BST1: variants seen among roughly 807,000 people sequenced by gnomAD.
BST1 encodes the protein ADP-ribosyl cyclase/cyclic ADP-ribose hydrolase 2.
In BST1, 49 loss-of-function variants were observed where a neutral mutation model predicts 40.6. The observed-to-expected ratio is 1.21, with a 90% confidence interval of 0.96 to 1.53. BST1 has a LOEUF of 1.53. Among genes scored for constraint, BST1 ranks in the 40% most tolerant of loss-of-function variants. The probability of loss-of-function intolerance (pLI) is 0.00; values close to 1 mark genes in which losing one functional copy is unlikely to be tolerated. For missense variants in BST1, 423 were observed against 395.9 expected, an observed-to-expected ratio of 1.07 and a Z score of -0.58; for synonymous variants, 157 against 159.3, an observed-to-expected ratio of 0.99 and a Z score of 0.11.
At chr4:15,745,591 A>C in the BST1 span, among the ~76,000 whole-genome samples, 3 of 152,188 alleles carry the variant, frequency 2.0e-5, no homozygotes, top group South Asian at 6.2e-4. Context: ...AGGTCATTCA[A>C]AATCAAGAGC....
chr4:15,719,506 ATT>A (rs940747906), intron 7 of BST1, among the ~76,000 whole-genome samples: 224 of 152,178 alleles, frequency 1.5e-3, no homozygotes, highest in African/African-American at 5.0e-3. Flanking sequence ...TTGCTTGGAC[ATT>A]TTTTTTTTAA....
At chr4:15,705,453 A>G (rs1360704277) in intron 1 of BST1, 62 bp from the exon 2 acceptor site, 1 of 1,498,158 alleles carries the variant, frequency 6.7e-7, no homozygotes. Flanking sequence ...ACAAATGGGC[A>G]TACTTCACAA....
chr4:15,747,331 G>A, the BST1 span, among the ~76,000 whole-genome samples: 2 of 152,152 alleles, frequency 1.3e-5, no homozygotes, highest in South Asian at 4.1e-4. Context: ...TTGCCATGCT[G>A]CCTTTATGCC....
chr4:15,763,356 C>T, the BST1 span, among the ~76,000 whole-genome samples: 1 of 151,310 alleles, frequency 6.6e-6, no homozygotes, highest in Non-Finnish European at 1.5e-5. Context: ...ATATAAATTC[C>T]TGGGAAAATG....
rs781454882 is a variant in BST1, at chr4:15,703,224, C to T, written c.80C>T (p.Ala27Val). The T allele has an allele frequency of 3.4e-5, 53 of 1,546,480 alleles. No individual in the cohort carries two copies. Among genetic ancestry groups the T allele is most frequent in the Admixed American group, 5.9e-5 (3 of 50,630 alleles). Residue 27 changes from alanine to valine, a missense_variant, in exon 1 of 9, where the codon GCG becomes GTG. Ala to Val is a moderately conservative substitution (Grantham distance 64). Transcript: ENST00000265016. The part of the protein sequence containing the change: ...QLLLLLLLLA[A>V]GGARARWRGE... The stretch of plus-strand genomic sequence containing the variant: ...CTGCTTCTACTGTTGCTGCTGGCGG[C>T]GGGCGGGGCGCGCGCGCGGTGGCGC...
chr4:15,755,274 G>A, the BST1 span, among the ~76,000 whole-genome samples: 2,130 of 152,222 alleles, frequency 0.014, 55 homozygotes, highest in African/African-American at 0.048. Context: ...CAGTAGCTGG[G>A]ATTACAGGTG....
At chr4:15,764,380 T>C in the BST1 span, among the ~76,000 whole-genome samples, 2 of 152,054 alleles carry the variant, frequency 1.3e-5, no homozygotes, top group Non-Finnish European at 2.9e-5. Flanking sequence ...GCTTCTTAAA[T>C]ATTCAAGAAT....
At chr4:15,760,441 C>T in the BST1 span, among the ~76,000 whole-genome samples, 3 of 151,508 alleles carry the variant, frequency 2.0e-5, no homozygotes, top group Non-Finnish European at 2.9e-5. Flanking sequence ...GGTAGATATC[C>T]AGGAGTGGAA....
At chr4:15,709,962 T>G (rs1720102800) in intron 3 of BST1, among the ~76,000 whole-genome samples, 1 of 151,884 alleles carries the variant, frequency 6.6e-6, no homozygotes, top group Non-Finnish European at 1.5e-5. Flanking sequence ...TATTTATTTA[T>G]TTATATTTTA....
the BST1 span, among the ~76,000 whole-genome samples, chr4:15,758,170 G>C: frequency 6.6e-6 from 1 of 151,622 alleles, no homozygotes; most frequent in South Asian, 2.1e-4. Context: ...AGTTTCAGGG[G>C]GTACATGGGC....
downstream of BST1, among the ~76,000 whole-genome samples, chr4:15,736,630 C>A (rs11934811): frequency 6.6e-6 from 1 of 151,412 alleles, no homozygotes; most frequent in Non-Finnish European, 1.5e-5. Context: ...AAAAAATCTG[C>A]GATTCAAGAT....
downstream of BST1, chr4:15,743,187 A>T (rs1721785706): frequency 6.3e-6 from 1 of 159,970 alleles, no homozygotes; most frequent in South Asian, 1.8e-4. Flanking sequence ...ATAATTTTAC[A>T]TTTAAAATAA....
chr4:15,720,054 T>C (rs1313028353), intron 7 of BST1, among the ~76,000 whole-genome samples: 2 of 152,208 alleles, frequency 1.3e-5, no homozygotes, highest in African/African-American at 4.8e-5. Context: ...CCCCATTTAG[T>C]GCATACCTGC....
Position 15,731,904 on chromosome 4 carries a change from A to AT in BST1, c.*61dup. On this transcript the variant is annotated 3_prime_UTR_variant, in exon 9 of 9. Coordinates refer to ENST00000265016, the MANE Select transcript of BST1 (RefSeq NM_004334.3). ...CCTGCAGCCTCCCCTTGCAGTCATC[A>AT]TTCGTGTTCTGTGTATACCAAATGA... 6.4e-7 allele frequency: 1 copy of AT among 1,566,346 alleles called. No homozygotes were observed. The highest frequency in any genetic ancestry group is 8.7e-7 in the Non-Finnish European group (1 of 1,155,250).
the BST1 span, among the ~76,000 whole-genome samples, chr4:15,771,749 T>C: frequency 6.6e-6 from 1 of 152,254 alleles, no homozygotes; most frequent in Non-Finnish European, 1.5e-5. Flanking sequence ...GGAAGTCCAC[T>C]TTTAGGAGTG....
downstream of BST1, among the ~76,000 whole-genome samples, chr4:15,740,647 T>TTATTAATTTGTTAAATTATAACAAATA (rs1224454998): frequency 2.6e-5 from 4 of 152,160 alleles, no homozygotes; most frequent in African/African-American, 7.2e-5. Flanking sequence ...TTTAACAAAT[T>TTATTAATTTGTTAAATTATAACAAATA]TATTAATTTG....
In BST1 at chr4:15,721,877, G is replaced by A. The variant is rs532735251; in HGVS notation, c.792-998G>A. Among the ~76,000 whole-genome samples the A allele has an allele frequency of 1.0e-4, 15 of 145,274 alleles. No individual in the cohort carries two copies. In the South Asian group the frequency reaches 3.1e-3, roughly 30 times the overall value. The stretch of plus-strand genomic sequence containing the variant: ...AGCTGAGTCAAGGACAGAAGACATG[G>A]CATGCCATAGAGACAACAATATCAC... On this transcript the variant is annotated intron_variant, in intron 7 of 8. Transcript: ENST00000265016.
chr4:15,773,906 T>G, the BST1 span, among the ~76,000 whole-genome samples: 2 of 152,152 alleles, frequency 1.3e-5, no homozygotes. Context: ...TTCCCTGACG[T>G]TTTTTTCTCC....
chr4:15,719,224 G>A (rs1330956292), intron 7 of BST1, among the ~76,000 whole-genome samples: 1 of 152,092 alleles, frequency 6.6e-6, no homozygotes, highest in Non-Finnish European at 1.5e-5. Flanking sequence ...AACACACAGA[G>A]CAGCACTTTC....
Sources: allele counts gnomAD v4.1 joint callset (sites outside exome capture counted in the v4.1 genomes callset), GRCh38; gene constraint gnomAD v4.1.1; transcripts MANE v1.5; gene names NCBI Gene and HGNC (gene_info 2026-07-23, HGNC 2026-07-21).